The following VPS41 variants were observed in gnomAD, a reference collection of about 807,000 sequenced individuals.
VPS41 encodes vacuolar protein sorting-associated protein 41 homolog.
A neutral mutation model predicts 130.9 loss-of-function variants in VPS41; 85 were observed. The observed-to-expected ratio is 0.65, with a 90% CI of 0.55 to 0.78. The LOEUF is 0.78. Ranked by LOEUF, VPS41 falls within the 30% of genes least tolerant of loss-of-function variation. The probability of loss-of-function intolerance (pLI) is 0.00; values close to 1 mark genes in which losing one functional copy is unlikely to be tolerated. For synonymous variants in VPS41, 335 were observed against 332.9 expected, an observed-to-expected ratio of 1.01 and a Z score of -0.07; for missense variants, 874 against 1,018.7, an observed-to-expected ratio of 0.86 and a Z score of 1.93.
intron 1 of VPS41, among the ~76,000 whole-genome samples, chr7:38,902,915 A>G (rs1169042877): frequency 6.6e-6 from 1 of 152,258 alleles, no homozygotes; most frequent in East Asian, 1.9e-4. Flanking sequence ...ACAAGTTCTC[A>G]TTTTAAATAT....
chr7:38,865,853 G>A (rs1365839232), intron 3 of VPS41, among the ~76,000 whole-genome samples: 1 of 152,104 alleles, frequency 6.6e-6, no homozygotes, highest in Non-Finnish European at 1.5e-5. Flanking sequence ...ATGAAAGGCA[G>A]GAAAGTAGAG....
chr7:38,788,839 C>A (rs775420557), intron 10 of VPS41, among the ~76,000 whole-genome samples: 2 of 152,058 alleles, frequency 1.3e-5, no homozygotes, highest in Non-Finnish European at 2.9e-5. Context: ...TACAAAATAG[C>A]CCAGATTTAA....
chr7:38,884,660 C>T (rs144853474), intron 2 of VPS41, among the ~76,000 whole-genome samples: 1,554 of 152,220 alleles, frequency 0.01, 6 homozygotes, highest in Non-Finnish European at 0.014. Flanking sequence ...TGGCCTACAC[C>T]AATTAACTGT....
At chr7:38,882,005 G>A (rs944800186) in intron 2 of VPS41, among the ~76,000 whole-genome samples, 27 of 152,100 alleles carry the variant, frequency 1.8e-4, no homozygotes, top group African/African-American at 6.0e-4. Flanking sequence ...CTCAACAAGT[G>A]TCCCATACAA....
At chr7:38,786,151 T>C (rs1784432365) in intron 10 of VPS41, among the ~76,000 whole-genome samples, 1 of 152,150 alleles carries the variant, frequency 6.6e-6, no homozygotes, top group Non-Finnish European at 1.5e-5. Flanking sequence ...TGGGAAGCAC[T>C]GTGTGACACC....
At chr7:38,825,896 T>A (rs1466223529) in intron 5 of VPS41, among the ~76,000 whole-genome samples, 1 of 152,220 alleles carries the variant, frequency 6.6e-6, no homozygotes, top group Non-Finnish European at 1.5e-5. Context: ...ACAGCCCTGA[T>A]GCAGAGAAAT....
At position 38,882,795 on chromosome 7, in the gene VPS41, A is replaced by ACAGCC. The variant is rs552379515; in HGVS notation, c.61-13547_61-13543dup. Among the ~76,000 whole-genome samples, 36 of 152,330 alleles carry ACAGCC rather than the reference A, an allele frequency of 2.4e-4. No individual in the cohort carries two copies. The South Asian group carries it at 7.0e-3, about 30-fold the overall frequency. On this transcript the variant is annotated intron_variant, in intron 2 of 28. Transcript: ENST00000310301. ...ATACTTTAAAAAACAAAAAGCAACTACAGCCTTCATCGCCTCTAGCCCAGA... is the reference window on the plus strand; with the variant it reads ...ATACTTTAAAAAACAAAAAGCAACTACAGCCCAGCCTTCATCGCCTCTAGCCCAGA...
At chr7:38,777,927 T>C (rs1374143266) in intron 10 of VPS41, among the ~76,000 whole-genome samples, 1 of 152,176 alleles carries the variant, frequency 6.6e-6, no homozygotes, top group Non-Finnish European at 1.5e-5. Context: ...ACAGATGAAA[T>C]ACTGAATTTT....
At chr7:38,900,825 C>T (rs1787124462) in intron 1 of VPS41, among the ~76,000 whole-genome samples, 1 of 152,220 alleles carries the variant, frequency 6.6e-6, no homozygotes. Context: ...CTTGTTTCCA[C>T]AATCCTACCA....
chr7:38,902,385 G>C (rs1051636798), intron 1 of VPS41, among the ~76,000 whole-genome samples: 1 of 152,144 alleles, frequency 6.6e-6, no homozygotes, highest in African/African-American at 2.4e-5. Context: ...CCGAGATATT[G>C]CTTATATCTC....
At position 38,827,433 on chromosome 7, in the gene VPS41, C is replaced by T. The variant is rs1007772780; in HGVS notation, c.321+2821G>A. 5.3e-5 allele frequency among the ~76,000 whole-genome samples: 8 copies of T among 152,182 alleles called. No individual in the cohort carries two copies. The East Asian group carries it at 5.8e-4, about 11-fold the overall frequency. ...AAAAGGAGGAGAAGGGTAAATAGTG[C>T]TTAATCATTCACCCTCTTGCCTTGA... On this transcript the variant is annotated intron_variant, in intron 5 of 28. Transcript: ENST00000310301.
At chr7:38,861,370 A>G (rs1786107937) in intron 4 of VPS41, among the ~76,000 whole-genome samples, 1 of 152,208 alleles carries the variant, frequency 6.6e-6, no homozygotes, top group South Asian at 2.1e-4. Context: ...AGTACCAGGT[A>G]CACATTTTAA....
At chr7:38,889,323 C>A (rs1786807987) in intron 2 of VPS41, among the ~76,000 whole-genome samples, 1 of 150,366 alleles carries the variant, frequency 6.7e-6, no homozygotes, top group Non-Finnish European at 1.5e-5. Context: ...GAAATTCATG[C>A]CCAAAGACCT....
At position 38,781,111 on chromosome 7, in the gene VPS41, C is replaced by A. The variant is rs1218696283; in HGVS notation, c.785-4335G>T. ...ATAAATTATCCAGTCTCAGGAATTT[C>A]TTTATAGGAATGCAAGAATGGACTA... On this transcript the variant is annotated intron_variant, in intron 10 of 28. Coordinates refer to ENST00000310301, the MANE Select transcript of VPS41 (RefSeq NM_014396.4). Among the ~76,000 whole-genome samples the A allele has an allele frequency of 3.3e-5, 5 of 151,912 alleles. No homozygotes were observed. In the East Asian group the frequency reaches 9.6e-4, roughly 29 times the overall value.
chr7:38,827,063 C>G (rs889823518), intron 5 of VPS41, among the ~76,000 whole-genome samples: 7 of 152,130 alleles, frequency 4.6e-5, no homozygotes, highest in African/African-American at 1.7e-4. Context: ...CGTGATCTGC[C>G]CGCTTCGGCC....
intron 11 of VPS41, among the ~76,000 whole-genome samples, chr7:38,775,949 T>G (rs1419337624): frequency 6.6e-6 from 1 of 152,178 alleles, no homozygotes; most frequent in Non-Finnish European, 1.5e-5. Context: ...CAGTATGCTT[T>G]CCTTCTTTAT....
chr7:38,793,989 A>G (rs76219461), intron 9 of VPS41, among the ~76,000 whole-genome samples: 1,812 of 152,302 alleles, frequency 0.012, 46 homozygotes, highest in African/African-American at 0.04. Flanking sequence ...ATAAAGAAAC[A>G]TTTATAGGTT....
chr7:38,815,522 G>T (rs528146568), intron 7 of VPS41, among the ~76,000 whole-genome samples: 11 of 152,204 alleles, frequency 7.2e-5, no homozygotes, highest in Non-Finnish European at 1.6e-4. Context: ...TATTATCACT[G>T]TGATGGTTAA....
chr7:38,805,514 AGAGT>A (rs1268980073), intron 7 of VPS41, among the ~76,000 whole-genome samples: 1 of 152,058 alleles, frequency 6.6e-6, no homozygotes, highest in African/African-American at 2.4e-5. Context: ...GCCTGGCAAC[AGAGT>A]GAGAGTCTGT....
Sources: allele counts gnomAD v4.1 joint callset (sites outside exome capture counted in the v4.1 genomes callset), GRCh38; gene constraint gnomAD v4.1.1; transcripts MANE v1.5; gene names NCBI Gene and HGNC (gene_info 2026-07-23, HGNC 2026-07-21).